PDE3B: variants seen among roughly 807,000 people sequenced by gnomAD.
The protein encoded by PDE3B is cGMP-inhibited 3',5'-cyclic phosphodiesterase 3B.
In PDE3B, 66 loss-of-function variants were observed where a neutral mutation model predicts 116.8. The observed-to-expected ratio is 0.56, with a 90% confidence interval of 0.46 to 0.69. The LOEUF is 0.69. PDE3B is among the 30% of genes least tolerant of loss of function. The pLI, the probability that PDE3B is intolerant of heterozygous loss-of-function variation, is 0.00. For missense variants in PDE3B, 1,384 were observed against 1,368.1 expected, an observed-to-expected ratio of 1.01 and a Z score of -0.18; for synonymous variants, 595 against 533.6, an observed-to-expected ratio of 1.12 and a Z score of -1.59.
chr11:14,866,417 A>T (rs528876520), intron 14 of PDE3B, among the ~76,000 whole-genome samples: 14 of 152,148 alleles, frequency 9.2e-5, no homozygotes, highest in African/African-American at 3.4e-4. Flanking sequence ...TTTTTTTATT[A>T]TACTAATTAT....
the PDE3B span, among the ~76,000 whole-genome samples, chr11:14,885,581 A>T: frequency 6.6e-6 from 1 of 152,172 alleles, no homozygotes; most frequent in African/African-American, 2.4e-5. Context: ...CTGGACCACA[A>T]TAGAATTAGC....
chr11:14,851,673 A>G (rs2133983060), intron 12 of PDE3B, among the ~76,000 whole-genome samples: 1 of 152,276 alleles, frequency 6.6e-6, no homozygotes, highest in Middle Eastern at 3.4e-3. Flanking sequence ...ATTTTTTTAA[A>G]AAAGTACCTT....
intron 1 of PDE3B, among the ~76,000 whole-genome samples, chr11:14,744,981 T>C (rs1236413971): frequency 6.6e-6 from 1 of 152,184 alleles, no homozygotes; most frequent in Admixed American, 6.5e-5. Context: ...TGAAAATAGC[T>C]TTTTTGTTTT....
chr11:14,890,424 A>AT, the PDE3B span: 1 of 974,166 alleles, frequency 1.0e-6, no homozygotes, highest in Non-Finnish European at 1.2e-6. Flanking sequence ...TCTAAGAATT[A>AT]TACATACCTT....
intron 1 of PDE3B, among the ~76,000 whole-genome samples, chr11:14,761,639 G>T (rs1390766254): frequency 1.3e-5 from 2 of 152,094 alleles, no homozygotes; most frequent in Admixed American, 1.3e-4. Context: ...AGGATACCAT[G>T]ATGATCCCTG....
chr11:14,844,896 C>T (rs1190568171), intron 12 of PDE3B, among the ~76,000 whole-genome samples: 1 of 152,250 alleles, frequency 6.6e-6, no homozygotes, highest in Non-Finnish European at 1.5e-5. Flanking sequence ...GTAGGCTCCA[C>T]CTCTGGGGGC....
chr11:14,694,579 G>T (rs1413037424), intron 1 of PDE3B, among the ~76,000 whole-genome samples: 1 of 152,114 alleles, frequency 6.6e-6, no homozygotes, highest in African/African-American at 2.4e-5. Flanking sequence ...TATGTACATT[G>T]TTCTTTAAGA....
chr11:14,779,111 G>T (rs1021031544), intron 2 of PDE3B, among the ~76,000 whole-genome samples: 1 of 152,066 alleles, frequency 6.6e-6, no homozygotes, highest in African/African-American at 2.4e-5. Flanking sequence ...AGCGAGAAGA[G>T]AAATTTAGAG....
At chr11:14,778,967 G>T (rs551569129) in intron 2 of PDE3B, among the ~76,000 whole-genome samples, 2 of 152,268 alleles carry the variant, frequency 1.3e-5, no homozygotes, top group South Asian at 4.1e-4. Context: ...ACAGTGTATA[G>T]AAGACTTTAA....
chr11:14,835,129 A>T, intron 11 of PDE3B, 34 bp downstream of exon 11: 5 of 1,323,112 alleles, frequency 3.8e-6, no homozygotes, highest in Non-Finnish European at 5.4e-6. Context: ...AATTATTTTG[A>T]TCAGGAATAG....
At chr11:14,879,446 G>C in the PDE3B span, 1 of 1,595,778 alleles carries the variant, frequency 6.3e-7, no homozygotes, top group South Asian at 1.1e-5. Flanking sequence ...AACTTGTCCT[G>C]TCAGAGAAAA....
chr11:14,706,652 G>A lies in PDE3B; in HGVS notation c.978+61599G>A, dbSNP rs939176451. Among the ~76,000 whole-genome samples, 4 of 151,728 alleles carry A rather than the reference G, an allele frequency of 2.6e-5. No homozygotes were observed. In the South Asian group the frequency reaches 8.3e-4, roughly 31 times the overall value. ...TATAATGTATTTTAAAGAAAAATACGGTGATATGCCACTTTCAAAGAAACA... is the reference window on the plus strand; with the variant it reads ...TATAATGTATTTTAAAGAAAAATACAGTGATATGCCACTTTCAAAGAAACA... On this transcript the variant is annotated intron_variant, in intron 1 of 15. Coordinates refer to ENST00000282096, the MANE Select transcript of PDE3B (RefSeq NM_000922.4).
chr11:14,853,507 T>C (rs1379063417), intron 12 of PDE3B, among the ~76,000 whole-genome samples: 2 of 152,222 alleles, frequency 1.3e-5, no homozygotes, highest in African/African-American at 2.4e-5. Context: ...AACTAGCACC[T>C]GTGAGATAAG....
chr11:14,650,208 T>G (rs1853533595), intron 1 of PDE3B, among the ~76,000 whole-genome samples: 1 of 151,694 alleles, frequency 6.6e-6, no homozygotes, highest in Non-Finnish European at 1.5e-5. Flanking sequence ...AATGTTTTTT[T>G]TTTTTTTTTT....
At chr11:14,879,144 TG>T in the PDE3B span, 1 of 1,613,200 alleles carries the variant, frequency 6.2e-7, no homozygotes, top group South Asian at 1.1e-5. Context: ...GCTTCCTTCT[TG>T]GCAAAATATC....
intron 12 of PDE3B, among the ~76,000 whole-genome samples, chr11:14,850,280 T>A (rs559408832): frequency 1.3e-5 from 2 of 152,074 alleles, no homozygotes; most frequent in Non-Finnish European, 2.9e-5. Flanking sequence ...TAGGTAGGAA[T>A]TGAACAATGA....
At chr11:14,652,653 G>A (rs1311179338) in intron 1 of PDE3B, among the ~76,000 whole-genome samples, 1 of 152,046 alleles carries the variant, frequency 6.6e-6, no homozygotes. Flanking sequence ...TTTCCATCTT[G>A]CAGAACTGAC....
At chr11:14,714,707 C>T (rs1237451639) in intron 1 of PDE3B, among the ~76,000 whole-genome samples, 1 of 152,126 alleles carries the variant, frequency 6.6e-6, no homozygotes, top group African/African-American at 2.4e-5. Flanking sequence ...AGTGTGGTAT[C>T]CACCAGCCAC....
chr11:14,758,023 G>T (rs1421252382), intron 1 of PDE3B, among the ~76,000 whole-genome samples: 1 of 151,640 alleles, frequency 6.6e-6, no homozygotes, highest in Non-Finnish European at 1.5e-5. Context: ...TCTACATATG[G>T]CTAGCCAATT....
Sources: allele counts gnomAD v4.1 joint callset (sites outside exome capture counted in the v4.1 genomes callset), GRCh38; gene constraint gnomAD v4.1.1; transcripts MANE v1.5; gene names NCBI Gene and HGNC (gene_info 2026-07-23, HGNC 2026-07-21).